DRC11: variants seen among roughly 807,000 people sequenced by gnomAD.
DRC11 encodes the protein dynein regulatory complex subunit 11.
the DRC11 span, among the ~76,000 whole-genome samples, chr2:236,356,969 TTATATATTC>T: frequency 1.6e-4 from 14 of 88,904 alleles, 1 homozygote; most frequent in Non-Finnish European, 3.0e-4. Context: ...AATATATATA[TTATATATTC>T]ATATATTATA....
the DRC11 span, among the ~76,000 whole-genome samples, chr2:236,355,093 C>A: frequency 6.6e-6 from 1 of 152,236 alleles, no homozygotes; most frequent in African/African-American, 2.4e-5. Context: ...GGGCCCCTCC[C>A]GGGTGTCTGG....
the DRC11 span, among the ~76,000 whole-genome samples, chr2:236,503,984 C>A: frequency 6.6e-6 from 1 of 152,184 alleles, no homozygotes; most frequent in South Asian, 2.1e-4. The surrounding 1 kb of genome is among the most constrained non-coding windows in gnomAD (Gnocchi z 4.9). Flanking sequence ...AGAATTCACT[C>A]TTTTCAAGTG....
chr2:236,424,852 C>G, the DRC11 span, among the ~76,000 whole-genome samples: 3 of 151,934 alleles, frequency 2.0e-5, no homozygotes, highest in East Asian at 5.8e-4. Flanking sequence ...CTATTCTACT[C>G]TCTGCTTCTG....
the DRC11 span, among the ~76,000 whole-genome samples, chr2:236,373,786 G>A: frequency 2.0e-5 from 3 of 152,154 alleles, no homozygotes; most frequent in South Asian, 2.1e-4. Flanking sequence ...CTCCTCTGTC[G>A]TCTTTATAGA....
At chr2:236,499,628 C>A in the DRC11 span, among the ~76,000 whole-genome samples, 1 of 152,160 alleles carries the variant, frequency 6.6e-6, no homozygotes, top group Non-Finnish European at 1.5e-5. This position sits in a 1 kb window ranked among gnomAD's most constrained non-coding sequence, Gnocchi z 4.7. Flanking sequence ...GGGGGTTTCA[C>A]CACACTGGCC....
chr2:236,467,822 T>C, the DRC11 span, among the ~76,000 whole-genome samples: 1 of 152,250 alleles, frequency 6.6e-6, no homozygotes, highest in African/African-American at 2.4e-5. Context: ...AAAGATTCAA[T>C]TCATGTCATA....
the DRC11 span, among the ~76,000 whole-genome samples, chr2:236,433,607 G>T: frequency 6.6e-6 from 1 of 152,100 alleles, no homozygotes; most frequent in Non-Finnish European, 1.5e-5. Context: ...CCCCCATCTT[G>T]CTTCTCATAT....
At chr2:236,474,685 C>T in the DRC11 span, among the ~76,000 whole-genome samples, 6 of 151,962 alleles carry the variant, frequency 3.9e-5, no homozygotes, top group Admixed American at 1.3e-4. Context: ...GTGTATTTTA[C>T]GGGTGTTGAA....
the DRC11 span, among the ~76,000 whole-genome samples, chr2:236,494,470 G>A: frequency 6.6e-6 from 1 of 152,006 alleles, no homozygotes; most frequent in Admixed American, 6.6e-5. The surrounding 1 kb of genome is among the most constrained non-coding windows in gnomAD (Gnocchi z 4.2). Flanking sequence ...AACCAGTGGG[G>A]GTTCAGATGA....
At chr2:236,356,368 T>C in the DRC11 span, among the ~76,000 whole-genome samples, 1 of 152,150 alleles carries the variant, frequency 6.6e-6, no homozygotes, top group Non-Finnish European at 1.5e-5. Flanking sequence ...CTTCATCTTC[T>C]CACACTGGGA....
chr2:236,456,117 C>A, the DRC11 span, among the ~76,000 whole-genome samples: 1 of 152,154 alleles, frequency 6.6e-6, no homozygotes, highest in Non-Finnish European at 1.5e-5. This position sits in a 1 kb window ranked among gnomAD's most constrained non-coding sequence, Gnocchi z 5.4. Context: ...TGGGAAACAT[C>A]CAAATTGCAA....
At chr2:236,408,437 G>C in the DRC11 span, 1 of 740,232 alleles carries the variant, frequency 1.4e-6, no homozygotes, top group South Asian at 1.4e-5. The surrounding 1 kb of genome is among the most constrained non-coding windows in gnomAD (Gnocchi z 5.5). Context: ...ATCTCATCCT[G>C]CCCAAACACT....
the DRC11 span, among the ~76,000 whole-genome samples, chr2:236,436,642 T>C: frequency 6.6e-6 from 1 of 152,154 alleles, no homozygotes; most frequent in Non-Finnish European, 1.5e-5. Context: ...TTCTGATATA[T>C]GTACCTGACT....
the DRC11 span, chr2:236,324,896 T>C: frequency 2.7e-6 from 2 of 741,798 alleles, no homozygotes; most frequent in East Asian, 2.8e-5. The surrounding 1 kb of genome is among the most constrained non-coding windows in gnomAD (Gnocchi z 5.7). Flanking sequence ...CCATTGTACT[T>C]TGGGCATTTA....
chr2:236,404,854 G>A, the DRC11 span, among the ~76,000 whole-genome samples: 18 of 152,210 alleles, frequency 1.2e-4, no homozygotes, highest in Non-Finnish European at 1.9e-4. Flanking sequence ...TCACAGTTCC[G>A]GAAACTGGCA....
chr2:236,308,561 C>A, the DRC11 span, among the ~76,000 whole-genome samples: 1 of 152,210 alleles, frequency 6.6e-6, no homozygotes, highest in Non-Finnish European at 1.5e-5. This position sits in a 1 kb window ranked among gnomAD's most constrained non-coding sequence, Gnocchi z 6.0. Context: ...AGTGAGCCCT[C>A]TGTGGCCAGT....
chr2:236,460,744 T>C, the DRC11 span, among the ~76,000 whole-genome samples: 1,513 of 152,006 alleles, frequency 1.0e-2, 26 homozygotes, highest in African/African-American at 0.035. The surrounding 1 kb of genome is among the most constrained non-coding windows in gnomAD (Gnocchi z 4.0). Context: ...CATCTGCAAA[T>C]ACATATTTAT....
the DRC11 span, among the ~76,000 whole-genome samples, chr2:236,318,708 A>G: frequency 1.3e-5 from 2 of 152,078 alleles, no homozygotes; most frequent in African/African-American, 2.4e-5. This position sits in a 1 kb window ranked among gnomAD's most constrained non-coding sequence, Gnocchi z 7.0. Flanking sequence ...TGTGTGGTAT[A>G]TATGAATGCC....
the DRC11 span, among the ~76,000 whole-genome samples, chr2:236,350,792 A>G: frequency 6.6e-6 from 1 of 152,050 alleles, no homozygotes; most frequent in Non-Finnish European, 1.5e-5. The surrounding 1 kb of genome is among the most constrained non-coding windows in gnomAD (Gnocchi z 5.2). Context: ...TAAAACCATC[A>G]CTGTCTTGCC....
Sources: gnomAD v4.1 joint callset for allele counts (sites outside exome capture counted in the v4.1 genomes callset) on GRCh38, gnomAD v4.1.1 for gene constraint, Gnocchi (gnomAD v3.1) non-coding constraint, MANE v1.5 for transcripts, NCBI Gene and HGNC (gene_info 2026-07-23, HGNC 2026-07-21) for gene names.